Variants in ADAMTSL1 observed in about 807,000 individuals in gnomAD.
ADAMTSL1 encodes ADAMTS-like protein 1.
A neutral mutation model predicts 201.8 loss-of-function variants in ADAMTSL1; 126 were observed. That is an observed-to-expected ratio of 0.62 (90% confidence interval 0.54 to 0.72). The LOEUF (loss-of-function observed/expected upper bound fraction) is 0.72. Ranked by LOEUF, ADAMTSL1 falls within the 30% of genes least tolerant of loss-of-function variation. The probability of loss-of-function intolerance (pLI) is 0.00; values close to 1 mark genes in which losing one functional copy is unlikely to be tolerated. For synonymous variants in ADAMTSL1, 1,121 were observed against 903.4 expected (o/e 1.24, Z -4.32); for missense variants, 2,679 against 2,277.8 (o/e 1.18, Z -3.59).
chr9:18,402,816 C>G (rs1404164900), intron 2 of ADAMTSL1, among the ~76,000 whole-genome samples: 1 of 152,140 alleles, frequency 6.6e-6, no homozygotes, highest in African/African-American at 2.4e-5. Flanking sequence ...CTAGCATATA[C>G]CCTATACCTG....
intron 23 of ADAMTSL1, among the ~76,000 whole-genome samples, chr9:18,861,992 C>T (rs1460133480): frequency 6.6e-6 from 1 of 152,158 alleles, no homozygotes; most frequent in Non-Finnish European, 1.5e-5. Flanking sequence ...AATAATAAAT[C>T]CAGGAAAGGT....
At chr9:18,816,701 A>T (rs1823869515) in intron 20 of ADAMTSL1, among the ~76,000 whole-genome samples, 1 of 147,804 alleles carries the variant, frequency 6.8e-6, no homozygotes, top group African/African-American at 2.5e-5. Context: ...CTCTGTCTTC[A>T]AACTCTTCAA....
chr9:17,956,344 T>C (rs1359138257), intron 1 of ADAMTSL1, among the ~76,000 whole-genome samples: 2 of 152,302 alleles, frequency 1.3e-5, no homozygotes, highest in East Asian at 3.9e-4. Flanking sequence ...CTACTTAGCA[T>C]AATAGTATTG....
intron 3 of ADAMTSL1, among the ~76,000 whole-genome samples, chr9:18,563,391 C>T (rs1821661544): frequency 6.6e-6 from 1 of 152,112 alleles, no homozygotes; most frequent in Admixed American, 6.5e-5. Context: ...GAAGCTTCAT[C>T]CCAGAGGGGC....
At chr9:18,197,877 C>A (rs937812420) in intron 2 of ADAMTSL1, among the ~76,000 whole-genome samples, 1 of 151,878 alleles carries the variant, frequency 6.6e-6, no homozygotes, top group Admixed American at 6.6e-5. Flanking sequence ...GCTACAGTAA[C>A]GAAGACAGCA....
intron 3 of ADAMTSL1, among the ~76,000 whole-genome samples, chr9:18,537,250 G>C (rs1332466103): frequency 6.6e-6 from 1 of 152,170 alleles, no homozygotes; most frequent in Non-Finnish European, 1.5e-5. Context: ...TCAGCAGTTG[G>C]TGCAATGCAG....
intron 26 of ADAMTSL1, among the ~76,000 whole-genome samples, chr9:18,902,722 G>T (rs75395034): frequency 6.6e-6 from 1 of 151,942 alleles, no homozygotes; most frequent in Non-Finnish European, 1.5e-5. Context: ...TAAACCTAAC[G>T]CTAGCAGAAG....
chr9:18,785,633 G>C (rs1821666414), intron 19 of ADAMTSL1, among the ~76,000 whole-genome samples: 2 of 152,158 alleles, frequency 1.3e-5, no homozygotes, highest in African/African-American at 4.8e-5. Context: ...GCACACATTT[G>C]GAGATGAGAC....
chr9:18,838,566 C>A (rs1379224124), intron 23 of ADAMTSL1, among the ~76,000 whole-genome samples: 2 of 152,098 alleles, frequency 1.3e-5, no homozygotes, highest in African/African-American at 4.8e-5. Flanking sequence ...GTGATTCACA[C>A]CTGTAATCCC....
rs1455861369 is a variant in ADAMTSL1 at position 18,474,184 on chromosome 9, C to G, written c.-49C>G. 1 of 1,587,268 alleles carries G rather than the reference C, an allele frequency of 6.3e-7. No homozygotes were observed. The highest frequency in any genetic ancestry group is 8.6e-7 in the Non-Finnish European group (1 of 1,156,368). ...GGATGTGACAGCAGGCAGAGGAGCA[C>G]TTAGCAGCTTATTCAGTGTCCGATT... On this transcript the variant is annotated 5_prime_UTR_variant, in exon 1 of 29. Coordinates refer to ENST00000380548, the MANE Select transcript of ADAMTSL1 (RefSeq NM_001040272.6).
At chr9:18,077,222 G>A (rs1441410157) in intron 1 of ADAMTSL1, among the ~76,000 whole-genome samples, 1 of 152,162 alleles carries the variant, frequency 6.6e-6, no homozygotes, top group African/African-American at 2.4e-5. Flanking sequence ...ATTTGGCCTG[G>A]AAATATAATG....
chr9:18,010,445 A>G (rs1820005630), intron 1 of ADAMTSL1, among the ~76,000 whole-genome samples: 1 of 152,064 alleles, frequency 6.6e-6, no homozygotes, highest in Non-Finnish European at 1.5e-5. Flanking sequence ...GGATTGAAGA[A>G]CAAATAGTCT....
intron 2 of ADAMTSL1, among the ~76,000 whole-genome samples, chr9:18,306,040 C>G (rs913161639): frequency 6.6e-6 from 1 of 152,150 alleles, no homozygotes; most frequent in Non-Finnish European, 1.5e-5. Flanking sequence ...TGTTCTGTAG[C>G]CTCCACTGGT....
chr9:18,607,417 C>T (rs564572445), intron 4 of ADAMTSL1, among the ~76,000 whole-genome samples: 1 of 151,954 alleles, frequency 6.6e-6, no homozygotes, highest in African/African-American at 2.4e-5. Context: ...AATATGGGGA[C>T]TTTTCAATTT....
Position 18,639,459 on chromosome 9 carries a change from G to A in ADAMTSL1, c.834+48G>A, listed in dbSNP as rs1451609994. On this transcript the variant is annotated intron_variant, in intron 7 of 28. Transcript: ENST00000380548. The stretch of plus-strand genomic sequence containing the variant: ...CTTTTCAAGCCACATCCCAAATGAT[G>A]TTACTTATAATTTCCTGAGCAGAGA... 7 of 1,584,074 alleles carry A rather than the reference G, an allele frequency of 4.4e-6. No individual in the cohort carries two copies. The East Asian group carries it at 1.4e-4, about 31-fold the overall frequency.
intron 1 of ADAMTSL1, among the ~76,000 whole-genome samples, chr9:17,915,178 C>A (rs537263528): frequency 6.6e-6 from 1 of 152,268 alleles, no homozygotes; most frequent in South Asian, 2.1e-4. Flanking sequence ...ATGTCTTCCT[C>A]CCTCCTGTCC....
chr9:18,583,290 G>C (rs984168057), intron 4 of ADAMTSL1, among the ~76,000 whole-genome samples: 6 of 152,214 alleles, frequency 3.9e-5, no homozygotes, highest in African/African-American at 1.4e-4. Context: ...AAGGGGTCAA[G>C]GTAGGGCTCG....
intron 17 of ADAMTSL1, among the ~76,000 whole-genome samples, chr9:18,771,457 A>G (rs1820683394): frequency 6.6e-6 from 1 of 152,204 alleles, no homozygotes; most frequent in South Asian, 2.1e-4. Flanking sequence ...AGCGTACGCC[A>G]ATTCATTTAC....
At chr9:18,371,127 A>G (rs899496794) in intron 2 of ADAMTSL1, among the ~76,000 whole-genome samples, 26 of 152,190 alleles carry the variant, frequency 1.7e-4, no homozygotes, top group African/African-American at 6.3e-4. Flanking sequence ...GGATTCAGAT[A>G]GAATAAGTCC....
Sources: allele counts gnomAD v4.1 joint callset (sites outside exome capture counted in the v4.1 genomes callset), GRCh38; gene constraint gnomAD v4.1.1; transcripts MANE v1.5; gene names NCBI Gene and HGNC (gene_info 2026-07-23, HGNC 2026-07-21).